CCDC92: variants seen among roughly 807,000 people sequenced by gnomAD.
The protein encoded by CCDC92 is coiled-coil domain containing 92, also known as coiled-coil domain-containing protein 92.
In CCDC92, 12 loss-of-function variants were observed where a neutral mutation model predicts 24.9. That is an observed-to-expected ratio of 0.48 (90% CI 0.31 to 0.78). The LOEUF (loss-of-function observed/expected upper bound fraction) is 0.78. Among genes scored for constraint, CCDC92 ranks in the 30% least tolerant of loss-of-function variants. CCDC92 has a pLI of 0.05. For missense variants in CCDC92, 399 were observed against 439.4 expected, an observed-to-expected ratio of 0.91 and a Z score of 0.82; for synonymous variants, 193 against 196.3, an observed-to-expected ratio of 0.98 and a Z score of 0.14.
intron 1 of CCDC92, among the ~76,000 whole-genome samples, chr12:123,955,879 G>A (rs1956138689): frequency 6.6e-6 from 1 of 152,202 alleles, no homozygotes. Context: ...CAGAGAAGAT[G>A]ACTGCCACTT....
intron 1 of CCDC92, among the ~76,000 whole-genome samples, chr12:123,957,434 C>T (rs574830058): frequency 7.2e-5 from 11 of 152,294 alleles, no homozygotes; most frequent in South Asian, 2.1e-4. Context: ...GCTATGTGCA[C>T]GCCCCACGAT....
intron 1 of CCDC92, among the ~76,000 whole-genome samples, chr12:123,957,050 C>A (rs1034936694): frequency 1.3e-5 from 2 of 152,122 alleles, no homozygotes; most frequent in African/African-American, 4.8e-5. Flanking sequence ...GTTTTTTCCT[C>A]TTATATTTGA....
At chr12:123,960,285 G>A (rs1209242510) in intron 1 of CCDC92, among the ~76,000 whole-genome samples, 1 of 152,184 alleles carries the variant, frequency 6.6e-6, no homozygotes, top group Non-Finnish European at 1.5e-5. Context: ...TAGGTACTAT[G>A]CTGTATCTTG....
chr12:123,956,049 A>G (rs1255129501), intron 1 of CCDC92, among the ~76,000 whole-genome samples: 1 of 152,176 alleles, frequency 6.6e-6, no homozygotes, highest in Admixed American at 6.5e-5. Context: ...ATTCCTTCCA[A>G]TGAGTTGAGA....
intron 1 of CCDC92, among the ~76,000 whole-genome samples, chr12:123,965,498 T>C (rs539539079): frequency 1.1e-4 from 16 of 152,218 alleles, no homozygotes; most frequent in Non-Finnish European, 1.6e-4. Flanking sequence ...TGCACGCTCT[T>C]GGAGGAGCTT....
rs1955524595 is a variant in CCDC92 at position 123,937,136 on chromosome 12, C to T, written c.918G>A (p.Glu306=). 6.2e-7 allele frequency: 1 copy of T among 1,613,294 alleles called. No individual in the cohort carries two copies. Among genetic ancestry groups the T allele is most frequent in the Non-Finnish European group, 8.5e-7 (1 of 1,179,992 alleles). ...HHATPPQAQP[E]VKTLAVDQVN... is the part of the protein sequence containing the mutation. ...CCTGGTCGACCGCCAGGGTCTTCAC[C>T]TCGGGCTGGGCCTGCGGCGGGGTGG... The change falls in exon 5 of 5, where the codon GAG becomes GAA. Residue 306 remains glutamate (E), a synonymous_variant. Transcript: ENST00000238156. This position sits in a 1 kb window ranked among gnomAD's most constrained non-coding sequence, Gnocchi z 8.4.
intron 1 of CCDC92, among the ~76,000 whole-genome samples, chr12:123,950,540 A>G (rs778958653): frequency 5.3e-5 from 8 of 152,294 alleles, no homozygotes; most frequent in Admixed American, 1.3e-4. Context: ...CAGCAAGACT[A>G]GCTTAGGAAG....
At chr12:123,970,266 T>A (rs1442854254) in intron 1 of CCDC92, 1 of 152,152 alleles carries the variant, frequency 6.6e-6, no homozygotes, top group Non-Finnish European at 1.5e-5. Context: ...CTCCTATACC[T>A]CTGTGATACC....
At chr12:123,965,849 A>G (rs1956379719) in intron 1 of CCDC92, among the ~76,000 whole-genome samples, 1 of 152,076 alleles carries the variant, frequency 6.6e-6, no homozygotes, top group South Asian at 2.1e-4. Context: ...GCTCATCAGC[A>G]CTGTGTGAGT....
At chr12:123,964,299 A>G (rs56169314) in intron 1 of CCDC92, among the ~76,000 whole-genome samples, 6,348 of 152,214 alleles carry the variant, frequency 0.042, 418 homozygotes, top group African/African-American at 0.13. Flanking sequence ...CTATTCCAAT[A>G]TAACACAGAA....
Position 123,937,884 on chromosome 12 carries a change from T to G in CCDC92, c.224-54A>C. On this transcript the variant is annotated intron_variant, in intron 4 of 4. Coordinates refer to ENST00000238156, the MANE Select transcript of CCDC92 (RefSeq NM_025140.3). This position sits in a 1 kb window ranked among gnomAD's most constrained non-coding sequence, Gnocchi z 8.4. ...AAGAACTCATTAGACTGAGGCCGAG[T>G]GGTGAGGCCTATGGGGCAGGCGGAC... 6.5e-7 allele frequency: 1 copy of G among 1,531,222 alleles called. No homozygotes were observed. The highest frequency in any genetic ancestry group is 8.8e-7 in the Non-Finnish European group (1 of 1,139,078). 94.9% of individuals were successfully genotyped at this position (1,531,222 alleles called of 1,614,324 possible). A position where few individuals can be genotyped will look rare whatever the true frequency, so the allele number is the denominator to read the frequency against.
chr12:123,948,937 G>A (rs1955952913), intron 1 of CCDC92, among the ~76,000 whole-genome samples: 1 of 152,172 alleles, frequency 6.6e-6, no homozygotes, highest in African/African-American at 2.4e-5. Context: ...TCCCAGTACT[G>A]TGACATGACT....
At chr12:123,970,445 C>T (rs1204142794) in intron 1 of CCDC92, 1 of 152,218 alleles carries the variant, frequency 6.6e-6, no homozygotes, top group Non-Finnish European at 1.5e-5. Flanking sequence ...TAAATGAAAT[C>T]CCTTGCTGCA....
intron 4 of CCDC92, among the ~76,000 whole-genome samples, chr12:123,938,074 A>G (rs1490479526): frequency 6.6e-6 from 1 of 152,198 alleles, no homozygotes; most frequent in African/African-American, 2.4e-5. Context: ...AATGTCTCTG[A>G]ACCTTAAAGA....
rs1448129232 is a variant in CCDC92, at chr12:123,949,750, T to C, written c.-59-5386A>G. 5.3e-5 allele frequency among the ~76,000 whole-genome samples: 8 copies of C among 152,344 alleles called. No homozygotes were observed. In the East Asian group the frequency reaches 1.5e-3, roughly 29 times the overall value. ...AAAAGGCTTTTCATTCCAAATCCTA[T>C]AGAGATAGGCTCTGAAGACGTGGCA... On this transcript the variant is annotated intron_variant, in intron 1 of 4. Coordinates refer to ENST00000238156, the MANE Select transcript of CCDC92 (RefSeq NM_025140.3).
intron 4 of CCDC92, among the ~76,000 whole-genome samples, chr12:123,938,031 C>T (rs542672976): frequency 1.6e-4 from 24 of 152,266 alleles, no homozygotes; most frequent in Admixed American, 3.3e-4. Flanking sequence ...AGGCCCTTTC[C>T]GGCTCTTAGT....
In CCDC92 at chr12:123,937,980, ACCCCT is replaced by A; in HGVS notation, c.224-155_224-151del. Reference sequence around the variant, plus strand: ...GCAGGGCTGTGGGGGCTCTGGAAAGACCCCTCCCCTCCCCGAGGTGGGGAGATCGG... The same window carrying A: ...GCAGGGCTGTGGGGGCTCTGGAAAGACCCCTCCCCGAGGTGGGGAGATCGG... On this transcript the variant is annotated intron_variant, in intron 4 of 4. Coordinates refer to ENST00000238156, the MANE Select transcript of CCDC92 (RefSeq NM_025140.3). The surrounding 1 kb of genome is among the most constrained non-coding windows in gnomAD (Gnocchi z 8.4). 1.3e-6 allele frequency: 1 copy of A among 743,442 alleles called. No individual in the cohort carries two copies. The highest frequency in any genetic ancestry group is 2.1e-6 in the Non-Finnish European group (1 of 468,764). The allele number at this position is 743,442 out of a possible 1,614,324, so 46.1% of individuals were successfully genotyped here.
chr12:123,955,649 CT>C (rs113860966), intron 1 of CCDC92, among the ~76,000 whole-genome samples: 2 of 150,710 alleles, frequency 1.3e-5, no homozygotes, highest in Non-Finnish European at 1.5e-5. Flanking sequence ...CTCTATACAC[CT>C]TTTTTTTTGG....
rs185057718 is a variant in CCDC92 at position 123,940,372 on chromosome 12, A to C, written c.223+2372T>G. 1.9e-3 allele frequency among the ~76,000 whole-genome samples: 289 copies of C among 152,214 alleles called. 3 individuals carry two copies. The highest frequency in any genetic ancestry group is 6.8e-3 in the African/African-American group (283 of 41,530). ...CTCCTCCTGGATAGACATCCTCCTC[A>C]TCATCCTTCCTTGAGAGTCATCTAG... On this transcript the variant is annotated intron_variant, in intron 4 of 4. Transcript: ENST00000238156.
Sources: gnomAD v4.1 joint callset for allele counts (sites outside exome capture counted in the v4.1 genomes callset) on GRCh38, gnomAD v4.1.1 for gene constraint, Gnocchi (gnomAD v3.1) non-coding constraint, MANE v1.5 for transcripts, NCBI Gene and HGNC (gene_info 2026-07-23, HGNC 2026-07-21) for gene names.